Variants in ENO4 observed in about 807,000 individuals in gnomAD.
ENO4 encodes the protein enolase 4.
In ENO4, 53 loss-of-function variants were observed where a neutral mutation model predicts 63.2. The observed-to-expected ratio is 0.84, with a 90% CI of 0.67 to 1.05. ENO4 has a LOEUF of 1.05. Ranked by LOEUF, ENO4 falls within the 50% of genes least tolerant of loss-of-function variation. The pLI is 0.00. For synonymous variants in ENO4, 266 were observed against 283.8 expected (o/e 0.94, Z 0.63); for missense variants, 719 against 772.0 (o/e 0.93, Z 0.81).
At chr10:116,894,040 T>C (rs1262540357) in intron 10 of ENO4, among the ~76,000 whole-genome samples, 1 of 152,204 alleles carries the variant, frequency 6.6e-6, no homozygotes, top group Non-Finnish European at 1.5e-5. Context: ...CAAACAATGA[T>C]AAAAATCAAT....
intron 13 of ENO4, among the ~76,000 whole-genome samples, chr10:116,881,048 A>C (rs942555872): frequency 3.3e-5 from 5 of 152,194 alleles, no homozygotes; most frequent in African/African-American, 1.2e-4. Flanking sequence ...GGAAAAATAA[A>C]TCTCTCCACT....
At chr10:116,880,382 C>T (rs1332061433) in intron 13 of ENO4, among the ~76,000 whole-genome samples, 2 of 152,096 alleles carry the variant, frequency 1.3e-5, no homozygotes, top group Non-Finnish European at 2.9e-5. Context: ...AAGTAGGCAG[C>T]GTGTTAATTT....
Position 116,849,501 on chromosome 10 carries a change from C to G in ENO4, c.-66C>G. 1 of 1,433,642 alleles carries G rather than the reference C, an allele frequency of 7.0e-7. No individual in the cohort carries two copies. The highest frequency in any genetic ancestry group is 9.2e-7 in the Non-Finnish European group (1 of 1,088,688). 88.8% of individuals were successfully genotyped at this position (1,433,642 alleles called of 1,614,324 possible). ...GGGGGTCGGGATCACGTTGCGTTGCCTAGCGACAGCAGGGACGCTCGTGGG... is the reference window on the plus strand; with the variant it reads ...GGGGGTCGGGATCACGTTGCGTTGCGTAGCGACAGCAGGGACGCTCGTGGG... On this transcript the variant is annotated 5_prime_UTR_variant, in exon 1 of 14. Coordinates refer to ENST00000341276, the MANE Select transcript of ENO4 (RefSeq NM_001242699.2).
At chr10:116,858,928 C>T (rs1846339688) in intron 3 of ENO4, 62 bp from the exon 4 acceptor site, 1 of 1,171,486 alleles carries the variant, frequency 8.5e-7, no homozygotes. Context: ...AAAACATGAC[C>T]AAAATCACAG....
chr10:116,850,192 G>T, intron 1 of ENO4: 1 of 230,892 alleles, frequency 4.3e-6, no homozygotes, highest in Non-Finnish European at 8.7e-6. Flanking sequence ...CCTATTCTGG[G>T]GCCTCATCCT....
At chr10:116,877,137 G>A (rs2133279091) in intron 11 of ENO4, among the ~76,000 whole-genome samples, 1 of 152,124 alleles carries the variant, frequency 6.6e-6, no homozygotes, top group South Asian at 2.1e-4. Flanking sequence ...CATTCACAAA[G>A]CCAAGGCACC....
intron 11 of ENO4, among the ~76,000 whole-genome samples, chr10:116,878,902 C>A (rs887751701): frequency 1.3e-5 from 2 of 151,940 alleles, no homozygotes; most frequent in Non-Finnish European, 2.9e-5. Flanking sequence ...TACCACCACG[C>A]CCGGCTAATT....
At chr10:116,880,631 C>T (rs551202471) in intron 13 of ENO4, among the ~76,000 whole-genome samples, 13 of 152,098 alleles carry the variant, frequency 8.5e-5, no homozygotes, top group African/African-American at 2.2e-4. Flanking sequence ...TCATGTTTAA[C>T]GTATGTAGCG....
At chr10:116,849,774 C>A (rs578055420) in intron 1 of ENO4, 43 bp downstream of exon 1, 3 of 1,465,976 alleles carry the variant, frequency 2.0e-6, no homozygotes, top group East Asian at 5.1e-5. Context: ...CAACCCCTCT[C>A]CCCCCGCCCC....
intron 10 of ENO4, chr10:116,901,890 T>TA (rs1847752446): frequency 6.2e-7 from 1 of 1,608,130 alleles, no homozygotes; most frequent in Non-Finnish European, 8.5e-7. Flanking sequence ...CTGTTTTTGT[T>TA]ACACTGGATA....
intron 8 of ENO4, among the ~76,000 whole-genome samples, chr10:116,869,353 A>G (rs1244947709): frequency 6.6e-6 from 1 of 152,230 alleles, no homozygotes; most frequent in Non-Finnish European, 1.5e-5. Context: ...AGAACTTTGA[A>G]GAGCATGCAC....
At chr10:116,866,853 G>T (rs1217398380) in intron 7 of ENO4, among the ~76,000 whole-genome samples, 1 of 151,680 alleles carries the variant, frequency 6.6e-6, no homozygotes, top group African/African-American at 2.4e-5. Flanking sequence ...GAATTGCTGG[G>T]CTCCTAATAA....
chr10:116,896,654 T>C (rs1186947153), intron 10 of ENO4, among the ~76,000 whole-genome samples: 1 of 152,206 alleles, frequency 6.6e-6, no homozygotes, highest in Non-Finnish European at 1.5e-5. Context: ...ACGTCATCTT[T>C]TGATCAAAAT....
chr10:116,849,892 G>T, intron 1 of ENO4, 161 bp downstream of exon 1: 1 of 852,506 alleles, frequency 1.2e-6, no homozygotes, highest in Non-Finnish European at 1.9e-6. Flanking sequence ...GGGAAGGAGC[G>T]GGAAGGACAC....
intron 10 of ENO4, among the ~76,000 whole-genome samples, chr10:116,904,907 A>G (rs1847901475): frequency 6.6e-6 from 1 of 152,226 alleles, no homozygotes; most frequent in African/African-American, 2.4e-5. Flanking sequence ...AAGTCCTTAA[A>G]AATAGCAGTG....
At chr10:116,880,072 AG>A in intron 13 of ENO4, 86 bp downstream of exon 13, 2 of 1,028,272 alleles carry the variant, frequency 1.9e-6, no homozygotes, top group Non-Finnish European at 2.9e-6. Context: ...GTCCCTCTGC[AG>A]GAGGGCAGGG....
intron 10 of ENO4, among the ~76,000 whole-genome samples, chr10:116,910,942 A>G (rs1189923197): frequency 3.9e-5 from 6 of 152,248 alleles, no homozygotes; most frequent in Admixed American, 3.9e-4. Context: ...GACATGCTTG[A>G]TGAAAATAAT....
chr10:116,911,905 AT>A (rs533003405), downstream of ENO4: 176 of 1,195,726 alleles, frequency 1.5e-4, no homozygotes, highest in African/African-American at 2.3e-3. Flanking sequence ...CTAAACAATG[AT>A]TTTTACATGG....
chr10:116,865,436 C>T (rs1339761909), intron 7 of ENO4, among the ~76,000 whole-genome samples: 3 of 152,140 alleles, frequency 2.0e-5, no homozygotes, highest in Admixed American at 6.5e-5. Flanking sequence ...CCGCCCGCCT[C>T]GGCCTCCCAA....
Sources: allele counts gnomAD v4.1 joint callset (sites outside exome capture counted in the v4.1 genomes callset), GRCh38; gene constraint gnomAD v4.1.1; transcripts MANE v1.5; gene names NCBI Gene and HGNC (gene_info 2026-07-23, HGNC 2026-07-21).